Variants in GAB1 observed in about 807,000 individuals in gnomAD.
GAB1 encodes the protein GRB2 associated binding protein 1, also known as GRB2-associated-binding protein 1.
A neutral mutation model predicts 66.5 loss-of-function variants in GAB1; 19 were observed. The ratio of observed to expected loss-of-function variants is 0.29; its 90% CI spans 0.20 to 0.42. The LOEUF (loss-of-function observed/expected upper bound fraction) is 0.42, where lower values mean the gene tolerates loss of function less well. Among genes scored for constraint, GAB1 ranks in the 10% least tolerant of loss-of-function variants. The pLI is 1.00. For synonymous variants in GAB1, 294 were observed against 301.4 expected, an observed-to-expected ratio of 0.98 and a Z score of 0.25; for missense variants, 732 against 858.5, an observed-to-expected ratio of 0.85 and a Z score of 1.84.
chr4:143,344,377 C>G (rs912728429), intron 1 of GAB1, among the ~76,000 whole-genome samples: 14 of 152,184 alleles, frequency 9.2e-5, no homozygotes, highest in Non-Finnish European at 1.9e-4. Context: ...TAATTTCCAC[C>G]AAGTTAGAGC....
intron 1 of GAB1, among the ~76,000 whole-genome samples, chr4:143,352,935 A>T (rs984134407): frequency 8.5e-5 from 13 of 152,226 alleles, no homozygotes; most frequent in African/African-American, 9.6e-5. Context: ...CGACATATTG[A>T]GAGGATTACA....
intron 1 of GAB1, chr4:143,395,149 A>G (rs1013934993): frequency 2.6e-5 from 4 of 152,348 alleles, no homozygotes; most frequent in African/African-American, 9.6e-5. Flanking sequence ...AGATAAGGTT[A>G]GGACTTTCAG....
In GAB1 at chr4:143,440,338, G is replaced by A; in HGVS notation, c.1541G>A (p.Cys514Tyr). Residue 514 changes from cysteine to tyrosine, a missense_variant, in exon 6 of 10, where the codon TGT (cysteine) becomes TAT (tyrosine). Physicochemically the swap from Cys to Tyr is radical, Grantham distance 194. This residue lies in a region of GAB1 where 204 missense variants were observed against 276.8 expected (regional missense o/e 0.74). Transcript: ENST00000262994. ...AGAAGGCCAGTTCCTGTTGCAGACT[G>A]TGAACCACCCCCCGTGGATAGGAAC... ...PPRRPVPVAD[C>Y]EPPPVDRNLK... The A allele has an allele frequency of 6.2e-7, 1 of 1,613,984 alleles. No individual in the cohort carries two copies. The highest frequency in any genetic ancestry group is 8.5e-7 in the Non-Finnish European group (1 of 1,179,940).
intron 1 of GAB1, among the ~76,000 whole-genome samples, chr4:143,393,317 T>C (rs187166455): frequency 5.4e-4 from 82 of 152,226 alleles, no homozygotes; most frequent in Non-Finnish European, 1.0e-3. Context: ...TCTGGCCCTT[T>C]ACAAAAAGGT....
At chr4:143,378,734 C>T (rs965215592) in intron 1 of GAB1, among the ~76,000 whole-genome samples, 5 of 150,290 alleles carry the variant, frequency 3.3e-5, no homozygotes, top group Non-Finnish European at 5.9e-5. Flanking sequence ...TCTGAACCAC[C>T]GTCTCAAGTT....
At position 143,405,808 on chromosome 4, in the gene GAB1, C is replaced by G. The variant is rs1243047319; in HGVS notation, c.73-9669C>G. 5.9e-5 allele frequency among the ~76,000 whole-genome samples: 9 copies of G among 152,088 alleles called. No homozygotes were observed. In the East Asian group the frequency reaches 1.7e-3, roughly 29 times the overall value. ...CTTGGAGTAGTCAGCTTGACCTGGC[C>G]GAGGTGACAGGGGAGCCAGAATTTG... On this transcript the variant is annotated intron_variant, in intron 1 of 9. Coordinates refer to ENST00000262994, the MANE Select transcript of GAB1 (RefSeq NM_002039.4).
intron 2 of GAB1, among the ~76,000 whole-genome samples, chr4:143,417,706 C>T (rs569270549): frequency 2.0e-5 from 3 of 152,170 alleles, no homozygotes; most frequent in Non-Finnish European, 4.4e-5. Flanking sequence ...CCACACCTGA[C>T]CTCGGGCACT....
At chr4:143,371,126 T>C (rs1413096280) in intron 1 of GAB1, among the ~76,000 whole-genome samples, 2 of 152,152 alleles carry the variant, frequency 1.3e-5, no homozygotes, top group Non-Finnish European at 2.9e-5. Context: ...ATCGCCACAC[T>C]GACTTCCACA....
chr4:143,460,029 G>C (rs1735402632), intron 7 of GAB1, among the ~76,000 whole-genome samples: 1 of 151,668 alleles, frequency 6.6e-6, no homozygotes, highest in Non-Finnish European at 1.5e-5. Flanking sequence ...TGTTTCGTGT[G>C]TGTGTGTGTG....
chr4:143,406,976 T>C (rs184535604), intron 1 of GAB1, among the ~76,000 whole-genome samples: 8 of 152,350 alleles, frequency 5.3e-5, no homozygotes, highest in African/African-American at 1.9e-4. Context: ...TGACATACTT[T>C]CCTGTGGAAC....
In GAB1 at chr4:143,421,609, T is replaced by C. The variant is rs150162571; in HGVS notation, c.367+5838T>C. Among the ~76,000 whole-genome samples, 14 of 152,166 alleles carry C rather than the reference T, an allele frequency of 9.2e-5. No individual in the cohort carries two copies. The East Asian group carries it at 2.7e-3, about 29-fold the overall frequency. ...TCTATTGGGTGTTAGTGGTATCTTG[T>C]GGTGTTAATTTGCATTTTCCTGAGA... On this transcript the variant is annotated intron_variant, in intron 2 of 9. Coordinates refer to ENST00000262994, the MANE Select transcript of GAB1 (RefSeq NM_002039.4).
intron 1 of GAB1, among the ~76,000 whole-genome samples, chr4:143,352,731 G>T (rs300916): frequency 0.37 from 56,455 of 151,986 alleles, 11,658 homozygotes; most frequent in East Asian, 0.7. Context: ...CCTGAGTTGG[G>T]CATAGAGGGA....
chr4:143,396,905 A>C (rs1731483113), intron 1 of GAB1, among the ~76,000 whole-genome samples: 1 of 152,176 alleles, frequency 6.6e-6, no homozygotes, highest in Non-Finnish European at 1.5e-5. Flanking sequence ...CAGGGAATAA[A>C]TGCTCCCACT....
chr4:143,465,718 G>T (rs1257477605), intron 8 of GAB1, among the ~76,000 whole-genome samples: 1 of 152,170 alleles, frequency 6.6e-6, no homozygotes, highest in African/African-American at 2.4e-5. Flanking sequence ...ACAAATTTTA[G>T]TGTGAAAGCC....
In GAB1 at chr4:143,433,658, G is replaced by C; in HGVS notation, c.535G>C (p.Asp179His). The C allele has an allele frequency of 1.2e-6, 2 of 1,613,948 alleles. No homozygotes were observed. Among genetic ancestry groups the C allele is most frequent in the South Asian group, 1.1e-5 (1 of 91,082 alleles). Reference protein sequence around the residue: ...PHLETLGIQEDPQDYLLLINC... With the variant: ...PHLETLGIQEHPQDYLLLINC... ...CCTGGAAACTCTTGGCATTCAGGAG[G>C]ATCCTCAAGACTACCTGTTGCTCAT... The change falls in exon 3 of 10, where the codon GAT (aspartate) becomes CAT (histidine). Residue 179 changes from aspartate (D) to histidine (H), a missense_variant. This residue lies in a region of GAB1 where 427 missense variants were observed against 420.6 expected (regional missense o/e 1.02). Coordinates refer to ENST00000262994, the MANE Select transcript of GAB1 (RefSeq NM_002039.4).
chr4:143,427,022 C>G (rs1041984926), intron 2 of GAB1, among the ~76,000 whole-genome samples: 3 of 152,054 alleles, frequency 2.0e-5, no homozygotes, highest in Admixed American at 6.6e-5. Context: ...ATTAGGAACA[C>G]AGACACATTG....
chr4:143,337,913 G>A (rs1581204613), intron 1 of GAB1, among the ~76,000 whole-genome samples: 1 of 152,198 alleles, frequency 6.6e-6, no homozygotes, highest in African/African-American at 2.4e-5. Flanking sequence ...GAGCCTTGGC[G>A]GTTTGCTGCG....
intron 2 of GAB1, among the ~76,000 whole-genome samples, chr4:143,427,256 A>G (rs560885761): frequency 6.6e-6 from 1 of 152,252 alleles, no homozygotes; most frequent in Admixed American, 6.5e-5. Flanking sequence ...GATGAAGACC[A>G]ATCTTAACTT....
At chr4:143,412,513 T>C (rs1732449386) in intron 1 of GAB1, among the ~76,000 whole-genome samples, 1 of 152,222 alleles carries the variant, frequency 6.6e-6, no homozygotes, top group Non-Finnish European at 1.5e-5. Flanking sequence ...AAAGCAGGCG[T>C]GGTCACTATC....
Sources: gnomAD v4.1 joint callset for allele counts (sites outside exome capture counted in the v4.1 genomes callset) on GRCh38, gnomAD v4.1.1 for gene constraint, gnomAD v4.1.1 regional missense constraint, MANE v1.5 for transcripts, NCBI Gene and HGNC (gene_info 2026-07-23, HGNC 2026-07-21) for gene names.